Variants in KANSL1 observed in about 807,000 individuals in gnomAD.
KANSL1 encodes MLL1/MLL complex subunit KANSL1.
In KANSL1, 22 loss-of-function variants were observed where a neutral mutation model predicts 103.6. That is an observed-to-expected ratio of 0.21 (90% CI 0.15 to 0.30). The LOEUF is 0.30. Ranked by LOEUF, KANSL1 falls within the 10% of genes least tolerant of loss-of-function variation. The pLI is 1.00. For synonymous variants in KANSL1, 600 were observed against 527.6 expected (o/e 1.14, Z -1.88); for missense variants, 1,337 against 1,399.8 (o/e 0.96, Z 0.72).
chr17:46,184,653 T>G (rs189345101), intron 1 of KANSL1, among the ~76,000 whole-genome samples: 64 of 152,236 alleles, frequency 4.2e-4, no homozygotes, highest in Admixed American at 3.2e-3. Flanking sequence ...CCTTTACTCA[T>G]GCTACTCTTT....
At chr17:46,063,548 C>T (rs2078254885) in intron 6 of KANSL1, among the ~76,000 whole-genome samples, 4 of 152,160 alleles carry the variant, frequency 2.6e-5, no homozygotes, top group South Asian at 4.1e-4. Context: ...AGATCTAGTA[C>T]ATGGTATATT....
chr17:46,125,039 GGGAGGGA>G, intron 2 of KANSL1, among the ~76,000 whole-genome samples: 1 of 89,404 alleles, frequency 1.1e-5, no homozygotes, highest in African/African-American at 4.4e-5. Context: ...GAGGTAGGGA[GGGAGGGA>G]GGAGGGAGGG....
At chr17:46,137,409 T>C (rs1251435426) in intron 2 of KANSL1, among the ~76,000 whole-genome samples, 1 of 152,246 alleles carries the variant, frequency 6.6e-6, no homozygotes, top group African/African-American at 2.4e-5. Flanking sequence ...AACTTACGTA[T>C]GATTTAGTTA....
intron 2 of KANSL1, among the ~76,000 whole-genome samples, chr17:46,125,864 T>C (rs1414680467): frequency 1.3e-5 from 2 of 152,232 alleles, no homozygotes; most frequent in Non-Finnish European, 2.9e-5. Flanking sequence ...CTAGTATTAG[T>C]AATACTAAAA....
chr17:46,212,136 T>G (rs1183987261), intron 1 of KANSL1, among the ~76,000 whole-genome samples: 2 of 152,244 alleles, frequency 1.3e-5, no homozygotes, highest in Non-Finnish European at 2.9e-5. Context: ...ATACATTCCT[T>G]ATCTTTATAC....
At chr17:46,076,223 A>C (rs933655001) in intron 4 of KANSL1, among the ~76,000 whole-genome samples, 1 of 152,152 alleles carries the variant, frequency 6.6e-6, no homozygotes, top group African/African-American at 2.4e-5. Flanking sequence ...GGCCAGGTGC[A>C]GTGGCTCACG....
intron 1 of KANSL1, among the ~76,000 whole-genome samples, chr17:46,180,950 G>A (rs1263639326): frequency 6.6e-6 from 1 of 152,182 alleles, no homozygotes; most frequent in East Asian, 1.9e-4. Flanking sequence ...TGAAACATCA[G>A]ACTGTGCTTT....
intron 2 of KANSL1, among the ~76,000 whole-genome samples, chr17:46,122,696 AC>A (rs1322384054): frequency 6.6e-6 from 1 of 152,180 alleles, no homozygotes; most frequent in Non-Finnish European, 1.5e-5. Context: ...GCGTGCACTC[AC>A]TTCATGTCCA....
At chr17:46,130,492 A>G (rs1207914426) in intron 2 of KANSL1, among the ~76,000 whole-genome samples, 1 of 152,220 alleles carries the variant, frequency 6.6e-6, no homozygotes, top group East Asian at 1.9e-4. Context: ...GAGCACAGAT[A>G]AAAGGACCTG....
chr17:46,194,946 T>C (rs1308464567), upstream of KANSL1, among the ~76,000 whole-genome samples: 1 of 152,266 alleles, frequency 6.6e-6, no homozygotes, highest in African/African-American at 2.4e-5. Flanking sequence ...ATAGTCATAG[T>C]TCTCAAATAC....
In KANSL1 at chr17:46,192,804, GAGC is replaced by G. The variant is rs1192286509; in HGVS notation, c.-90+16_-90+18del. 2.5e-5 allele frequency: 4 copies of G among 158,052 alleles called. No individual in the cohort carries two copies. The highest frequency in any genetic ancestry group is 5.5e-5 in the Non-Finnish European group (4 of 72,436). 9.8% of individuals were successfully genotyped at this position (158,052 alleles called of 1,614,324 possible). A position where few individuals can be genotyped will look rare whatever the true frequency, so the allele number is the denominator to read the frequency against. ...AAGGGCAGCAGGAGGAGGAGGAGAG[GAGC>G]AGCAGCAGCACCTACCACGTGATGG... On this transcript the variant is annotated intron_variant, in intron 1 of 14. Transcript: ENST00000432791.
At chr17:46,039,311 C>T (rs745775240) in intron 8 of KANSL1, 96 bp from the exon 9 acceptor site, 128 of 1,166,436 alleles carry the variant, frequency 1.1e-4, no homozygotes, top group Admixed American at 3.9e-4. Flanking sequence ...AGGCCAACGC[C>T]GTATACCCAG....
At chr17:46,098,955 C>G (rs2042192182) in intron 2 of KANSL1, among the ~76,000 whole-genome samples, 1 of 152,180 alleles carries the variant, frequency 6.6e-6, no homozygotes, top group African/African-American at 2.4e-5. Context: ...GAAGATGTTA[C>G]CATACTCCAG....
intron 1 of KANSL1, among the ~76,000 whole-genome samples, chr17:46,185,797 G>A (rs2047004484): frequency 6.6e-6 from 1 of 151,886 alleles, no homozygotes; most frequent in African/African-American, 2.4e-5. Context: ...CAAGGTGGGA[G>A]GACTGCTTGA....
At chr17:46,110,820 G>A (rs917725925) in intron 2 of KANSL1, among the ~76,000 whole-genome samples, 1 of 152,264 alleles carries the variant, frequency 6.6e-6, no homozygotes, top group East Asian at 1.9e-4. Context: ...GGGGAAAGCA[G>A]GTCAAGCATG....
rs1421628313 is a variant in KANSL1 at position 46,066,519 on chromosome 17, A to G, written c.1848+18T>C. ...CTGGCTCACTGCTTGACAATGACCA[A>G]CTCTCATCTGTACCGACCTTCTTGG... On this transcript the variant is annotated intron_variant, in intron 6 of 14. Transcript: ENST00000432791. The G allele has an allele frequency of 1.9e-6, 3 of 1,588,350 alleles. No homozygotes were observed. The highest frequency in any genetic ancestry group is 2.2e-5 in the East Asian group (1 of 44,508).
At chr17:46,217,128 A>C (rs2458205) in intron 1 of KANSL1, among the ~76,000 whole-genome samples, 18,660 of 149,950 alleles carry the variant, frequency 0.12, 21 homozygotes, top group Middle Eastern at 0.19. Context: ...AAAAAAAAAA[A>C]AAAGAGATAT....
intron 4 of KANSL1, among the ~76,000 whole-genome samples, chr17:46,069,757 AAAACAAAAAAC>A: frequency 3.3e-5 from 5 of 152,268 alleles, no homozygotes; most frequent in African/African-American, 1.2e-4. Context: ...AAAACAAAAC[AAAACAAAAAAC>A]AAACAAAAAC....
In KANSL1 at chr17:46,038,599, G is replaced by A. The variant is rs773238363; in HGVS notation, c.2480C>T (p.Ser827Phe). 11 of 1,614,066 alleles carry A rather than the reference G, an allele frequency of 6.8e-6. No individual in the cohort carries two copies. The African/African-American group carries it at 1.5e-4, about 22-fold the overall frequency. Reference sequence around the variant, plus strand: ...GGGTGCAGGGGAATCTGAGGAGGTGGAGAGCTGTCGCACCAAGGGACTGTG... The same window carrying A: ...GGGTGCAGGGGAATCTGAGGAGGTGAAGAGCTGTCGCACCAAGGGACTGTG... The part of the protein sequence containing the change: ...PPHSPLVRQL[S>F]TSSDSPAPAS... The change falls in exon 10 of 15, where the codon TCC becomes TTC. Residue 827 changes from serine (S) to phenylalanine (F), a missense_variant. Ser to Phe is a radical substitution (Grantham distance 155). Coordinates refer to ENST00000432791, the MANE Select transcript of KANSL1 (RefSeq NM_015443.4).
Sources: gnomAD v4.1 joint callset for allele counts (sites outside exome capture counted in the v4.1 genomes callset) on GRCh38, gnomAD v4.1.1 for gene constraint, MANE v1.5 for transcripts, NCBI Gene and HGNC (gene_info 2026-07-23, HGNC 2026-07-21) for gene names.